The following ADAMTS12 variants were observed in gnomAD, a reference collection of about 807,000 sequenced individuals.
ADAMTS12 encodes A disintegrin and metalloproteinase with thrombospondin motifs 12.
Under a neutral mutation model 167.8 loss-of-function variants are expected in ADAMTS12, and 118 were observed. The observed-to-expected ratio is 0.70, with a 90% confidence interval of 0.61 to 0.82. ADAMTS12 has a LOEUF of 0.82. Among genes scored for constraint, ADAMTS12 ranks in the 40% least tolerant of loss-of-function variants. The pLI, the probability that ADAMTS12 is intolerant of heterozygous loss-of-function variation, is 0.00. For synonymous variants in ADAMTS12, 704 were observed against 716.9 expected, an observed-to-expected ratio of 0.98 and a Z score of 0.29; for missense variants, 1,916 against 1,998.8, an observed-to-expected ratio of 0.96 and a Z score of 0.79.
chr5:33,736,057 GTTT>G (rs201311408), intron 3 of ADAMTS12, among the ~76,000 whole-genome samples: 1 of 142,284 alleles, frequency 7.0e-6, no homozygotes, highest in South Asian at 2.2e-4. Context: ...TTTTTTTGCT[GTTT>G]TTTTTTTTTC....
At chr5:33,614,103 C>T (rs1209571979) in intron 16 of ADAMTS12, 135 bp downstream of exon 16, 2 of 1,240,762 alleles carry the variant, frequency 1.6e-6, no homozygotes, top group Non-Finnish European at 1.1e-6. Flanking sequence ...TCACTGTCCG[C>T]AGAGGCCCCT....
At chr5:33,617,381 T>C (rs1051040319) in intron 14 of ADAMTS12, among the ~76,000 whole-genome samples, 2 of 152,166 alleles carry the variant, frequency 1.3e-5, no homozygotes, top group African/African-American at 4.8e-5. Context: ...TAAAGAAGTA[T>C]GGGGTCCTAG....
chr5:33,834,501 A>T (rs1748431990), intron 2 of ADAMTS12, among the ~76,000 whole-genome samples: 1 of 152,180 alleles, frequency 6.6e-6, no homozygotes, highest in South Asian at 2.1e-4. Context: ...GTTAACTGCC[A>T]GGCATGTGTT....
chr5:33,742,638 T>C (rs1744633867), intron 3 of ADAMTS12, among the ~76,000 whole-genome samples: 1 of 152,190 alleles, frequency 6.6e-6, no homozygotes, highest in Non-Finnish European at 1.5e-5. Context: ...TATTAAATGA[T>C]TACTATGCAT....
intron 2 of ADAMTS12, among the ~76,000 whole-genome samples, chr5:33,805,788 T>A (rs1747202954): frequency 6.6e-6 from 1 of 151,782 alleles, no homozygotes; most frequent in Non-Finnish European, 1.5e-5. Context: ...CTTTGGGAGG[T>A]GAGGTGGGAG....
chr5:33,631,663 A>AAGAT (rs1403099102), intron 12 of ADAMTS12, among the ~76,000 whole-genome samples: 1 of 152,224 alleles, frequency 6.6e-6, no homozygotes, highest in African/African-American at 2.4e-5. Flanking sequence ...AATAACCAGA[A>AAGAT]AGATAGATAA....
chr5:33,714,407 T>A (rs957175219), intron 3 of ADAMTS12, among the ~76,000 whole-genome samples: 2 of 152,022 alleles, frequency 1.3e-5, no homozygotes, highest in Non-Finnish European at 2.9e-5. Context: ...CTCAAAAAAC[T>A]AAAAATAGAA....
chr5:33,846,733 G>A (rs1386639100), intron 2 of ADAMTS12, among the ~76,000 whole-genome samples: 4 of 152,276 alleles, frequency 2.6e-5, no homozygotes, highest in East Asian at 1.9e-4. Flanking sequence ...GGTACCTAAC[G>A]AATACTTGTT....
chr5:33,823,863 T>G (rs1380373533), intron 2 of ADAMTS12, among the ~76,000 whole-genome samples: 2 of 152,156 alleles, frequency 1.3e-5, no homozygotes, highest in East Asian at 3.9e-4. Context: ...GAATAAAAAA[T>G]AGGGTGAATT....
chr5:33,564,806 C>T (rs1745931209), intron 19 of ADAMTS12, among the ~76,000 whole-genome samples: 1 of 152,184 alleles, frequency 6.6e-6, no homozygotes, highest in East Asian at 1.9e-4. Flanking sequence ...TTGTAACAAA[C>T]AAAAGCATCC....
rs576851418 is a variant in ADAMTS12, at chr5:33,836,304, C to T, written c.489+44815G>A. On this transcript the variant is annotated intron_variant, in intron 2 of 23. Coordinates refer to ENST00000504830, the MANE Select transcript of ADAMTS12 (RefSeq NM_030955.4). ...TGACTTGAAAGGTCCCAGGCAGCCCCGGACCTGAAGGCTCATCAGGCTGGA... is the reference window on the plus strand; with the variant it reads ...TGACTTGAAAGGTCCCAGGCAGCCCTGGACCTGAAGGCTCATCAGGCTGGA... 2.0e-5 allele frequency among the ~76,000 whole-genome samples: 3 copies of T among 152,226 alleles called. No individual in the cohort carries two copies. In the East Asian group the frequency reaches 5.8e-4, roughly 29 times the overall value.
intron 2 of ADAMTS12, among the ~76,000 whole-genome samples, chr5:33,788,057 C>T (rs1318438815): frequency 6.6e-6 from 1 of 152,174 alleles, no homozygotes; most frequent in Non-Finnish European, 1.5e-5. Context: ...TGAGTTCCAG[C>T]ACAGATGGGC....
intron 2 of ADAMTS12, among the ~76,000 whole-genome samples, chr5:33,864,755 C>A (rs4866394): frequency 1.6e-4 from 24 of 152,034 alleles, no homozygotes; most frequent in Admixed American, 1.6e-3. Flanking sequence ...AACCAAACAC[C>A]GCATGTTCTC....
At chr5:33,813,037 C>T (rs953768642) in intron 2 of ADAMTS12, among the ~76,000 whole-genome samples, 4 of 152,168 alleles carry the variant, frequency 2.6e-5, no homozygotes, top group African/African-American at 9.7e-5. Flanking sequence ...ATTCTATTTA[C>T]GTGAATTTCA....
chr5:33,614,099 T>A, intron 16 of ADAMTS12, 139 bp downstream of exon 16: 2 of 1,183,100 alleles, frequency 1.7e-6, no homozygotes, highest in Non-Finnish European at 2.3e-6. Flanking sequence ...ATGTTCACTG[T>A]CCGCAGAGGC....
chr5:33,786,533 T>C (rs767960132), intron 2 of ADAMTS12, among the ~76,000 whole-genome samples: 20 of 152,036 alleles, frequency 1.3e-4, no homozygotes, highest in Non-Finnish European at 1.9e-4. Context: ...ATACCATCTA[T>C]TATCAGGAGG....
At chr5:33,666,792 C>T (rs1741487464) in intron 5 of ADAMTS12, among the ~76,000 whole-genome samples, 1 of 152,120 alleles carries the variant, frequency 6.6e-6, no homozygotes, top group South Asian at 2.1e-4. Flanking sequence ...TGCCCGGCCA[C>T]CATACAGGGT....
chr5:33,755,512 T>A (rs1745136668), intron 2 of ADAMTS12, among the ~76,000 whole-genome samples: 2 of 152,210 alleles, frequency 1.3e-5, no homozygotes, highest in South Asian at 4.1e-4. Context: ...GTCATCTTGA[T>A]GTATGTGATA....
rs1257490030 is a variant in ADAMTS12, at chr5:33,881,482, T to C, written c.128-2A>G. On this transcript the variant is annotated splice_acceptor_variant, in intron 1 of 23. Transcript: ENST00000504830. LOFTEE classifies it high-confidence loss of function. ...CTGGCAGGCCCTTGATAAAATGCTC[T>C]GAAAGAAAAGGAGAAATGGAAGAAC... 2 of 1,608,768 alleles carry C rather than the reference T, an allele frequency of 1.2e-6. No individual in the cohort carries two copies. Among genetic ancestry groups the C allele is most frequent in the Non-Finnish European group, 1.7e-6 (2 of 1,178,766 alleles).
Sources: gnomAD v4.1 joint callset for allele counts (sites outside exome capture counted in the v4.1 genomes callset) on GRCh38, gnomAD v4.1.1 for gene constraint, MANE v1.5 for transcripts, NCBI Gene and HGNC (gene_info 2026-07-23, HGNC 2026-07-21) for gene names.